Variants in UBAP1 observed in about 807,000 individuals in gnomAD.
UBAP1 encodes ubiquitin associated protein 1.
Under a neutral mutation model 39.0 loss-of-function variants are expected in UBAP1, and 5 were observed. That is an observed-to-expected ratio of 0.13 (90% confidence interval 0.07 to 0.27). UBAP1 has a LOEUF of 0.27. Ranked by LOEUF, UBAP1 falls within the 10% of genes least tolerant of loss-of-function variation. The pLI, the probability that UBAP1 is intolerant of heterozygous loss-of-function variation, is 1.00. For missense variants in UBAP1, 490 were observed against 608.1 expected, an observed-to-expected ratio of 0.81 and a Z score of 2.04; for synonymous variants, 211 against 225.1, an observed-to-expected ratio of 0.94 and a Z score of 0.56.
intron 1 of UBAP1, among the ~76,000 whole-genome samples, chr9:34,202,581 G>C (rs915191992): frequency 6.7e-6 from 1 of 149,448 alleles, no homozygotes; most frequent in African/African-American, 2.5e-5. Context: ...GAAGACTCCA[G>C]CAAGGGCTAT....
chr9:34,196,932 G>GTT (rs1374581889), intron 1 of UBAP1, among the ~76,000 whole-genome samples: 1 of 150,116 alleles, frequency 6.7e-6, no homozygotes, highest in East Asian at 1.9e-4. Context: ...GTGTGTGTGT[G>GTT]TGTGTTTTTA....
intron 1 of UBAP1, chr9:34,191,549 G>T: frequency 6.3e-6 from 1 of 158,966 alleles, no homozygotes; most frequent in East Asian, 1.6e-4. Context: ...CTTCTAAAAG[G>T]CAAATATGTC....
chr9:34,206,886 G>A (rs1054250545), intron 1 of UBAP1, among the ~76,000 whole-genome samples: 4 of 151,664 alleles, frequency 2.6e-5, no homozygotes, highest in African/African-American at 4.8e-5. Context: ...TTATATTTTG[G>A]GTATTTTTAG....
chr9:34,242,140 T>G, intron 4 of UBAP1, 32 bp downstream of exon 4: 1 of 1,537,338 alleles, frequency 6.5e-7, no homozygotes. Context: ...CCGACTCCCA[T>G]ATTTTCCTGA....
At chr9:34,225,714 A>G (rs1383249387) in intron 2 of UBAP1, among the ~76,000 whole-genome samples, 1 of 150,654 alleles carries the variant, frequency 6.6e-6, no homozygotes, top group African/African-American at 2.4e-5. Context: ...CAGGAGGAAG[A>G]GCTTGCAGTG....
chr9:34,217,780 G>GTTTTTTTTT (rs1402104440), intron 1 of UBAP1, among the ~76,000 whole-genome samples: 2 of 29,406 alleles, frequency 6.8e-5, no homozygotes, highest in Non-Finnish European at 1.4e-4. Flanking sequence ...ACAGGATTTC[G>GTTTTTTTTT]TTCTTTTTTT....
rs775069748 is a variant in UBAP1 at position 34,251,552 on chromosome 9, C to A, written c.*20C>A. 2 of 1,610,806 alleles carry A rather than the reference C, an allele frequency of 1.2e-6. No homozygotes were observed. The highest frequency in any genetic ancestry group is 1.1e-5 in the South Asian group (1 of 90,910). On this transcript the variant is annotated 3_prime_UTR_variant, in exon 7 of 7. Coordinates refer to ENST00000297661, the MANE Select transcript of UBAP1 (RefSeq NM_016525.5). ...AGCTGAGACCAGGCCCTGCCTAGGC[C>A]CTGCCGCAGAACCACCATCCCTGGG...
intron 3 of UBAP1, 25 bp from the exon 4 acceptor site, chr9:34,241,160 C>T (rs375829536): frequency 5.9e-5 from 83 of 1,412,856 alleles, no homozygotes; most frequent in Non-Finnish European, 7.4e-5. Flanking sequence ...GGTTCACACC[C>T]CCTTCCTCTG....
At chr9:34,218,241 A>C (rs1832447172) in intron 1 of UBAP1, among the ~76,000 whole-genome samples, 1 of 101,028 alleles carries the variant, frequency 9.9e-6, no homozygotes, top group Admixed American at 1.4e-4. Flanking sequence ...ACAGAGCGAG[A>C]CTCCATCTCA....
intron 1 of UBAP1, among the ~76,000 whole-genome samples, chr9:34,214,010 GA>G (rs1328898144): frequency 6.6e-6 from 1 of 151,892 alleles, no homozygotes; most frequent in African/African-American, 2.4e-5. Context: ...ACTGCTGAAA[GA>G]AATCATAGAT....
intron 1 of UBAP1, among the ~76,000 whole-genome samples, chr9:34,209,570 G>C (rs1587825602): frequency 6.6e-6 from 1 of 152,024 alleles, no homozygotes. Context: ...TGTTAATAAA[G>C]TAAAACACCT....
chr9:34,249,434 G>T (rs1029569982), intron 4 of UBAP1, among the ~76,000 whole-genome samples: 13 of 152,150 alleles, frequency 8.5e-5, no homozygotes, highest in African/African-American at 3.1e-4. Flanking sequence ...ATCAGTCCCG[G>T]GGGCAGCCAC....
chr9:34,197,769 T>G (rs1190647197), intron 1 of UBAP1, among the ~76,000 whole-genome samples: 1 of 152,088 alleles, frequency 6.6e-6, no homozygotes, highest in African/African-American at 2.4e-5. Flanking sequence ...AGGCTTGTCT[T>G]GAACTCCTGA....
intron 1 of UBAP1, among the ~76,000 whole-genome samples, chr9:34,184,547 C>T (rs1461329079): frequency 2.8e-5 from 4 of 144,460 alleles, no homozygotes; most frequent in South Asian, 2.4e-4. Flanking sequence ...AGGAGAATGG[C>T]GTGAACCCGG....
chr9:34,248,039 ACG>A (rs1001537754), intron 4 of UBAP1, among the ~76,000 whole-genome samples: 5 of 148,098 alleles, frequency 3.4e-5, no homozygotes, highest in Admixed American at 2.0e-4. Context: ...TAAAATAGAT[ACG>A]ATTTTTTTTT....
chr9:34,197,360 C>A (rs1831127252), intron 1 of UBAP1, among the ~76,000 whole-genome samples: 1 of 151,106 alleles, frequency 6.6e-6, no homozygotes, highest in Admixed American at 6.6e-5. Context: ...GTGCTAGTCT[C>A]AAACAGCCGG....
At chr9:34,189,115 T>A (rs1449225933) in intron 1 of UBAP1, among the ~76,000 whole-genome samples, 1 of 152,098 alleles carries the variant, frequency 6.6e-6, no homozygotes, top group African/African-American at 2.4e-5. Flanking sequence ...GTGTTAACAT[T>A]TCCTTCAGTA....
intron 1 of UBAP1, among the ~76,000 whole-genome samples, chr9:34,189,501 T>C (rs1376910687): frequency 6.6e-6 from 1 of 151,940 alleles, no homozygotes; most frequent in Non-Finnish European, 1.5e-5. Context: ...TCATTATGTC[T>C]TATAGGATAC....
At chr9:34,214,368 ATACT>A (rs1476968403) in intron 1 of UBAP1, among the ~76,000 whole-genome samples, 4 of 152,192 alleles carry the variant, frequency 2.6e-5, no homozygotes, top group Non-Finnish European at 4.4e-5. Context: ...ATAAACCCAA[ATACT>A]TACAGCCAAT....
Sources: gnomAD v4.1 joint callset for allele counts (sites outside exome capture counted in the v4.1 genomes callset) on GRCh38, gnomAD v4.1.1 for gene constraint, MANE v1.5 for transcripts, NCBI Gene and HGNC (gene_info 2026-07-23, HGNC 2026-07-21) for gene names.